Variants in SLCO5A1 observed in about 807,000 individuals in gnomAD.
The protein encoded by SLCO5A1 is solute carrier organic anion transporter family member 5A1.
SLCO5A1 carries 39 observed loss-of-function variants against 65.1 expected under a neutral mutation model. The observed-to-expected ratio is 0.60, with a 90% CI of 0.46 to 0.78. The LOEUF (loss-of-function observed/expected upper bound fraction) is 0.78. Among genes scored for constraint, SLCO5A1 ranks in the 30% least tolerant of loss-of-function variants. The pLI is 0.00. For synonymous variants in SLCO5A1, 438 were observed against 415.7 expected (o/e 1.05, Z -0.65); for missense variants, 1,029 against 1,069.4 (o/e 0.96, Z 0.53).
chr8:69,713,561 C>T (rs1206864107), intron 5 of SLCO5A1: 2 of 152,210 alleles, frequency 1.3e-5, no homozygotes, highest in Admixed American at 6.5e-5. Flanking sequence ...ACTGTGATAA[C>T]TGATCTAAAT....
Position 69,672,781 on chromosome 8 carries a change from AAAG to A in SLCO5A1, c.*85_*87del. The A allele has an allele frequency of 1.1e-5, 15 of 1,406,118 alleles. No individual in the cohort carries two copies. Among genetic ancestry groups the A allele is most frequent in the African/African-American group, 2.9e-5 (2 of 69,868 alleles). The allele number at this position is 1,406,118 out of a possible 1,614,324, so 87.1% of individuals were successfully genotyped here. On this transcript the variant is annotated 3_prime_UTR_variant, in exon 10 of 10. Transcript: ENST00000260126. ...GGATTGTGTCTGTAGAGGTTAAAAA[AAAG>A]AAAGAAAGAAAAGAAGGCACAGTTG...
chr8:69,714,571 A>G (rs1348271262), intron 5 of SLCO5A1, among the ~76,000 whole-genome samples: 1 of 152,216 alleles, frequency 6.6e-6, no homozygotes, highest in Non-Finnish European at 1.5e-5. Flanking sequence ...AGACTTCATC[A>G]GCCTCAGTTT....
chr8:69,720,140 C>T (rs1210478011), intron 5 of SLCO5A1, among the ~76,000 whole-genome samples: 1 of 152,142 alleles, frequency 6.6e-6, no homozygotes, highest in Non-Finnish European at 1.5e-5. Flanking sequence ...TTTTTAATAA[C>T]AAAATCACAT....
Position 69,831,847 on chromosome 8 carries a change from A to G in SLCO5A1, c.827T>C (p.Met276Thr). The G allele has an allele frequency of 6.2e-7, 1 of 1,613,776 alleles. No homozygotes were observed. Among genetic ancestry groups the G allele is most frequent in the Non-Finnish European group, 8.5e-7 (1 of 1,179,962 alleles). ...LFICAQILIG[M>T]GSTPIYTLGP... ...CAGGGTATAAATAGGTGTGGAGCCC[A>G]TTCCAATGAGAATCTGCGCGCAAAT... The change falls in exon 2 of 10, where the codon ATG (methionine) becomes ACG (threonine). Residue 276 changes from methionine to threonine, a missense_variant. By Grantham distance (81) the Met-to-Thr change is moderately conservative (BLOSUM62 -1). This residue lies in a region of SLCO5A1 where 647 missense variants were observed against 647.5 expected (regional missense o/e 1.00). Coordinates refer to ENST00000260126, the MANE Select transcript of SLCO5A1 (RefSeq NM_030958.3).
At chr8:69,812,715 C>T (rs1014512071) in intron 2 of SLCO5A1, among the ~76,000 whole-genome samples, 1 of 152,210 alleles carries the variant, frequency 6.6e-6, no homozygotes, top group African/African-American at 2.4e-5. Context: ...CTTGCATTCA[C>T]TACCACTGCC....
intron 2 of SLCO5A1, among the ~76,000 whole-genome samples, chr8:69,764,027 G>T (rs1363096146): frequency 6.6e-6 from 1 of 152,132 alleles, no homozygotes; most frequent in Non-Finnish European, 1.5e-5. Flanking sequence ...ATCGCACCGG[G>T]CTAATTTTTG....
chr8:69,732,758 G>A (rs531597850), intron 5 of SLCO5A1, among the ~76,000 whole-genome samples: 88 of 152,094 alleles, frequency 5.8e-4, no homozygotes, highest in Non-Finnish European at 1.2e-3. Flanking sequence ...GCATGGTGGC[G>A]CATGCCTGTA....
Position 69,831,956 on chromosome 8 carries a change from C to T in SLCO5A1, c.718G>A (p.Gly240Ser). ...GGCTCCAAAGTGGCGGTGGAGTTGC[C>T]ACCCTGACACAGGCCGTCGTTGGGG... Reference protein sequence around the residue: ...SAPNDGLCQGGNSTATLEPPA... With the variant: ...SAPNDGLCQGSNSTATLEPPA... Residue 240 changes from glycine (G) to serine (S), a missense_variant, in exon 2 of 10, where the codon GGC (glycine) becomes AGC (serine). Physicochemically the swap from Gly to Ser is moderately conservative, Grantham distance 56. Transcript: ENST00000260126. 6.3e-7 allele frequency: 1 copy of T among 1,592,660 alleles called. No homozygotes were observed. Among genetic ancestry groups the T allele is most frequent in the Non-Finnish European group, 8.5e-7 (1 of 1,170,902 alleles).
chr8:69,738,383 T>C (rs1816654884), intron 4 of SLCO5A1, among the ~76,000 whole-genome samples, 179 bp from the exon 5 acceptor site: 1 of 148,966 alleles, frequency 6.7e-6, no homozygotes, highest in Admixed American at 6.6e-5. Flanking sequence ...GATTTTCTTT[T>C]GTTTTTTTTT....
chr8:69,775,792 T>A (rs1818529071), intron 2 of SLCO5A1, among the ~76,000 whole-genome samples: 1 of 152,020 alleles, frequency 6.6e-6, no homozygotes. Flanking sequence ...GGCGGGAAGA[T>A]CACTTGAGCT....
rs1821196756 is a variant in SLCO5A1, at chr8:69,832,345, G to GCGGAGGACAC, written c.319_328dup (p.Ala110GlyfsTer51). The GCGGAGGACAC allele has an allele frequency of 6.2e-7, 1 of 1,614,020 alleles. No individual in the cohort carries two copies. The highest frequency in any genetic ancestry group is 1.3e-5 in the African/African-American group (1 of 74,914). On this transcript the variant is annotated frameshift_variant, in exon 2 of 10. Coordinates refer to ENST00000260126, the MANE Select transcript of SLCO5A1 (RefSeq NM_030958.3). LOFTEE classifies it high-confidence loss of function. This position sits in a 1 kb window ranked among gnomAD's most constrained non-coding sequence, Gnocchi z 4.5. ...CCTTCTCTCCTGGAGCATGGCCAAG[G>GCGGAGGACAC]CGGAGGACACCGAGAAGGTTTTGCT...
chr8:69,735,676 A>T (rs188417563), intron 5 of SLCO5A1, among the ~76,000 whole-genome samples: 5 of 152,204 alleles, frequency 3.3e-5, no homozygotes, highest in African/African-American at 9.6e-5. Flanking sequence ...TGTGGGATTG[A>T]GGGGAGAAAG....
At chr8:69,710,371 C>A (rs890296759) in intron 5 of SLCO5A1, among the ~76,000 whole-genome samples, 4 of 152,046 alleles carry the variant, frequency 2.6e-5, no homozygotes, top group African/African-American at 9.7e-5. Context: ...AAGTGGCCTG[C>A]TCTATAGTGC....
chr8:69,741,137 G>T (rs1032329416), intron 4 of SLCO5A1, among the ~76,000 whole-genome samples: 2 of 152,066 alleles, frequency 1.3e-5, no homozygotes, highest in Admixed American at 6.6e-5. Flanking sequence ...TTGCATTTTT[G>T]TACTTTTTGT....
chr8:69,737,767 C>T (rs1816619453), intron 5 of SLCO5A1, among the ~76,000 whole-genome samples: 1 of 152,084 alleles, frequency 6.6e-6, no homozygotes, highest in African/African-American at 2.4e-5. Context: ...ATGTCATTGC[C>T]TATTTCATTT....
At chr8:69,678,707 A>C (rs923684020) in intron 8 of SLCO5A1, among the ~76,000 whole-genome samples, 1 of 152,090 alleles carries the variant, frequency 6.6e-6, no homozygotes, top group African/African-American at 2.4e-5. Context: ...CACCAGTGCC[A>C]ACATTTTTAA....
rs761220029 is a variant in SLCO5A1, at chr8:69,738,181, T to G, written c.1282A>C (p.Ile428Leu). 7 of 1,610,928 alleles carry G rather than the reference T, an allele frequency of 4.3e-6. No individual in the cohort carries two copies. Among genetic ancestry groups the G allele is most frequent in the Non-Finnish European group, 5.1e-6 (6 of 1,178,376 alleles). The change falls in exon 5 of 10, where the codon ATC (isoleucine) becomes CTC (leucine). Residue 428 changes from isoleucine to leucine, a missense_variant. Around this residue, in one of 3 missense-constraint regions of SLCO5A1, gnomAD observed 647 missense variants for 647.5 expected, o/e 1.00. Coordinates refer to ENST00000260126, the MANE Select transcript of SLCO5A1 (RefSeq NM_030958.3). ...VRDLPRAAVR[I>L]LSNMTFLFVS... The stretch of plus-strand genomic sequence containing the variant: ...AAAAGGAATGTCATGTTGCTTAAGA[T>G]CCTGACAGCTGCTCTTGGTAGGTCT...
intron 9 of SLCO5A1, among the ~76,000 whole-genome samples, chr8:69,674,300 T>G (rs1418392670): frequency 6.6e-6 from 1 of 151,594 alleles, no homozygotes; most frequent in African/African-American, 2.4e-5. Context: ...AAGATAGCAA[T>G]GGGAGGGAGG....
intron 2 of SLCO5A1, among the ~76,000 whole-genome samples, chr8:69,784,863 G>GAAAGAAAGAAAGAAA (rs71275014): frequency 2.3e-5 from 2 of 87,838 alleles, no homozygotes; most frequent in Admixed American, 1.2e-4. Context: ...AAGAAAGAAA[G>GAAAGAAAGAAAGAAA]GGAAGGAAGG....
Sources: gnomAD v4.1 joint callset for allele counts (sites outside exome capture counted in the v4.1 genomes callset) on GRCh38, gnomAD v4.1.1 for gene constraint, gnomAD v4.1.1 regional missense constraint, Gnocchi (gnomAD v3.1) non-coding constraint, MANE v1.5 for transcripts, NCBI Gene and HGNC (gene_info 2026-07-23, HGNC 2026-07-21) for gene names.